Variants in HS6ST3 observed in about 807,000 individuals in gnomAD.
The protein encoded by HS6ST3 is heparan sulfate 6-O-sulfotransferase 3, also known as heparan-sulfate 6-O-sulfotransferase 3.
Under a neutral mutation model 36.7 loss-of-function variants are expected in HS6ST3, and 12 were observed. The ratio of observed to expected loss-of-function variants is 0.33; its 90% CI spans 0.21 to 0.53. The LOEUF is 0.53. Among genes scored for constraint, HS6ST3 ranks in the 20% least tolerant of loss-of-function variants. The pLI, the probability that HS6ST3 is intolerant of heterozygous loss-of-function variation, is 0.95. For synonymous variants in HS6ST3, 240 were observed against 257.5 expected (o/e 0.93, Z 0.65); for missense variants, 584 against 640.9 (o/e 0.91, Z 0.96).
intron 1 of HS6ST3, among the ~76,000 whole-genome samples, chr13:96,441,062 T>A (rs2055668469): frequency 6.6e-6 from 1 of 152,106 alleles, no homozygotes; most frequent in Admixed American, 6.6e-5. Flanking sequence ...GCCAGAGAGC[T>A]AGCTGGCTCT....
chr13:96,564,766 C>G (rs988129802), intron 1 of HS6ST3, among the ~76,000 whole-genome samples: 3 of 152,094 alleles, frequency 2.0e-5, no homozygotes, highest in Admixed American at 1.3e-4. Flanking sequence ...CAATTGACCA[C>G]TGGAATAGTC....
intron 1 of HS6ST3, among the ~76,000 whole-genome samples, chr13:96,725,199 TTGTC>T (rs1159831669): frequency 6.6e-6 from 1 of 152,218 alleles, no homozygotes; most frequent in African/African-American, 2.4e-5. Flanking sequence ...TTCAAATGTT[TTGTC>T]TATTTTTATT....
chr13:96,132,342 G>A (rs2053980377), intron 1 of HS6ST3, among the ~76,000 whole-genome samples: 1 of 151,808 alleles, frequency 6.6e-6, no homozygotes, highest in Admixed American at 6.6e-5. Context: ...AGATCATATG[G>A]TAGTTCTATT....
intron 1 of HS6ST3, among the ~76,000 whole-genome samples, chr13:96,495,984 A>AC (rs2055973466): frequency 6.6e-6 from 1 of 152,108 alleles, no homozygotes; most frequent in Non-Finnish European, 1.5e-5. Flanking sequence ...CACCGCCTCA[A>AC]CCCCGTGTTA....
intron 1 of HS6ST3, among the ~76,000 whole-genome samples, chr13:96,605,499 C>T (rs986827043): frequency 2.6e-5 from 4 of 151,974 alleles, no homozygotes; most frequent in African/African-American, 7.3e-5. Context: ...CTTATATGTC[C>T]TAAGTCTCTT....
At chr13:96,582,955 G>A (rs887475715) in intron 1 of HS6ST3, among the ~76,000 whole-genome samples, 4 of 151,874 alleles carry the variant, frequency 2.6e-5, no homozygotes, top group East Asian at 3.9e-4. Flanking sequence ...AAAATTATTC[G>A]TTGTTCATCT....
intron 1 of HS6ST3, among the ~76,000 whole-genome samples, chr13:96,587,988 C>T (rs1048555178): frequency 6.6e-6 from 1 of 151,998 alleles, no homozygotes; most frequent in African/African-American, 2.4e-5. Flanking sequence ...AAATTTATTT[C>T]TAATTGTTTT....
intron 1 of HS6ST3, among the ~76,000 whole-genome samples, chr13:96,766,093 T>C (rs78099719): frequency 1.8e-4 from 27 of 152,262 alleles, no homozygotes; most frequent in African/African-American, 6.5e-4. Context: ...AAAAAAAGCA[T>C]AAGAAAAATA....
chr13:96,448,734 T>C (rs943772613), intron 1 of HS6ST3, among the ~76,000 whole-genome samples: 1 of 152,062 alleles, frequency 6.6e-6, no homozygotes, highest in African/African-American at 2.4e-5. Flanking sequence ...TCCTACCTAA[T>C]GTCTCTCTAA....
chr13:96,205,516 T>TA (rs1161814897), intron 1 of HS6ST3, among the ~76,000 whole-genome samples: 1 of 151,806 alleles, frequency 6.6e-6, no homozygotes, highest in Non-Finnish European at 1.5e-5. Context: ...TTGGCAGAGA[T>TA]ACAACAACAA....
chr13:96,786,341 G>A (rs1453811590), intron 1 of HS6ST3, among the ~76,000 whole-genome samples: 2 of 152,072 alleles, frequency 1.3e-5, no homozygotes, highest in East Asian at 3.9e-4. Context: ...ACTTACCATG[G>A]TCTATAATTA....
At chr13:96,470,906 T>C (rs2055837282) in intron 1 of HS6ST3, among the ~76,000 whole-genome samples, 1 of 152,180 alleles carries the variant, frequency 6.6e-6, no homozygotes, top group African/African-American at 2.4e-5. Context: ...CAAGAGGACA[T>C]TGTGGAGGCC....
chr13:96,346,371 A>G (rs371014213), intron 1 of HS6ST3, among the ~76,000 whole-genome samples: 144 of 152,170 alleles, frequency 9.5e-4, no homozygotes, highest in East Asian at 2.3e-3. Context: ...TCAGGAGATC[A>G]AGACCATCCT....
chr13:96,726,137 A>G (rs568598717), intron 1 of HS6ST3, among the ~76,000 whole-genome samples: 9 of 152,204 alleles, frequency 5.9e-5, no homozygotes, highest in Admixed American at 3.9e-4. Flanking sequence ...TGCCCGGCCT[A>G]TGATATGTTT....
chr13:96,772,064 A>G (rs927658036), intron 1 of HS6ST3, among the ~76,000 whole-genome samples: 2 of 152,310 alleles, frequency 1.3e-5, no homozygotes, highest in South Asian at 2.1e-4. Context: ...AAAGGAAGCT[A>G]TCTGGGTTTG....
intron 1 of HS6ST3, among the ~76,000 whole-genome samples, chr13:96,141,683 G>A (rs1211166515): frequency 2.0e-5 from 3 of 152,076 alleles, no homozygotes; most frequent in Admixed American, 6.5e-5. Context: ...TACCCAAAAT[G>A]CATGAGTTCA....
At chr13:96,319,697 C>G (rs1031059153) in intron 1 of HS6ST3, among the ~76,000 whole-genome samples, 1 of 152,186 alleles carries the variant, frequency 6.6e-6, no homozygotes, top group East Asian at 1.9e-4. Flanking sequence ...AAAGTCTATA[C>G]TTAGCTGCAA....
chr13:96,772,315 C>T (rs1055117589), intron 1 of HS6ST3, among the ~76,000 whole-genome samples: 3 of 152,144 alleles, frequency 2.0e-5, no homozygotes, highest in Admixed American at 6.5e-5. Context: ...TGCCTCATTC[C>T]ACTGCATCCC....
At chr13:96,363,159 C>T (rs1162593902) in intron 1 of HS6ST3, among the ~76,000 whole-genome samples, 8 of 152,026 alleles carry the variant, frequency 5.3e-5, no homozygotes, top group East Asian at 1.9e-4. Flanking sequence ...CACACACACA[C>T]GAGTGCTTGC....
Sources: gnomAD v4.1 joint callset for allele counts (sites outside exome capture counted in the v4.1 genomes callset) on GRCh38, gnomAD v4.1.1 for gene constraint, MANE v1.5 for transcripts, NCBI Gene and HGNC (gene_info 2026-07-23, HGNC 2026-07-21) for gene names.